Variants in SLC9A9 observed in about 807,000 individuals in gnomAD.
SLC9A9 encodes the protein sodium/hydrogen exchanger 9.
Under a neutral mutation model 77.8 loss-of-function variants are expected in SLC9A9, and 62 were observed. That is an observed-to-expected ratio of 0.80 (90% CI 0.65 to 0.98). SLC9A9 has a LOEUF of 0.98. SLC9A9 is among the 50% of genes least tolerant of loss of function. The pLI is 0.00. For missense variants in SLC9A9, 775 were observed against 774.9 expected, an observed-to-expected ratio of 1.00 and a Z score of 0.00; for synonymous variants, 320 against 283.5, an observed-to-expected ratio of 1.13 and a Z score of -1.29.
chr3:143,823,497 A>G (rs1166217895), intron 2 of SLC9A9, among the ~76,000 whole-genome samples: 1 of 152,176 alleles, frequency 6.6e-6, no homozygotes, highest in Admixed American at 6.5e-5. Context: ...GACTCAGAAT[A>G]CAGAATTTAA....
chr3:143,705,322 G>T (rs1292653530), intron 4 of SLC9A9, among the ~76,000 whole-genome samples: 1 of 152,054 alleles, frequency 6.6e-6, no homozygotes, highest in African/African-American at 2.4e-5. Flanking sequence ...TGGAGGAGGG[G>T]AAGTGTGGAT....
intron 1 of SLC9A9, among the ~76,000 whole-genome samples, chr3:143,838,065 T>C (rs2009613832): frequency 6.6e-6 from 1 of 152,228 alleles, no homozygotes; most frequent in Admixed American, 6.5e-5. Context: ...TATTGCTTAA[T>C]TCTGTTTCTG....
intron 6 of SLC9A9, among the ~76,000 whole-genome samples, chr3:143,638,076 A>G (rs971210087): frequency 1.3e-5 from 2 of 152,246 alleles, no homozygotes; most frequent in Admixed American, 1.3e-4. Flanking sequence ...CAACTGTTAC[A>G]TAAGTAAGAA....
At chr3:143,813,901 T>A (rs900795900) in intron 2 of SLC9A9, among the ~76,000 whole-genome samples, 11 of 152,192 alleles carry the variant, frequency 7.2e-5, no homozygotes, top group African/African-American at 2.7e-4. Flanking sequence ...CTCAAGATTG[T>A]CCTGGATGAA....
chr3:143,268,613 G>A (rs1460378162), intron 15 of SLC9A9, among the ~76,000 whole-genome samples: 2 of 151,372 alleles, frequency 1.3e-5, no homozygotes, highest in African/African-American at 4.9e-5. Context: ...GGCGCCTGTA[G>A]TCCCAGCTAC....
intron 14 of SLC9A9, among the ~76,000 whole-genome samples, chr3:143,315,441 T>A (rs539509503): frequency 3.3e-5 from 5 of 152,324 alleles, no homozygotes; most frequent in East Asian, 3.9e-4. Context: ...CTTCAAGAGT[T>A]GATGTACTAC....
chr3:143,699,529 C>T (rs1023444434), intron 4 of SLC9A9, among the ~76,000 whole-genome samples: 64 of 152,164 alleles, frequency 4.2e-4, no homozygotes, highest in Admixed American at 3.8e-3. Context: ...AGGAAGAGTG[C>T]AGCAATTGTA....
intron 4 of SLC9A9, among the ~76,000 whole-genome samples, chr3:143,767,088 T>C (rs2007342548): frequency 6.6e-6 from 1 of 152,168 alleles, no homozygotes; most frequent in Admixed American, 6.5e-5. Flanking sequence ...AATATTATGG[T>C]TATGGTGTTT....
At chr3:143,565,387 T>C (rs1452737557) in intron 8 of SLC9A9, among the ~76,000 whole-genome samples, 1 of 152,176 alleles carries the variant, frequency 6.6e-6, no homozygotes, top group Non-Finnish European at 1.5e-5. Context: ...TTTTACCTTT[T>C]TCTCTATGAC....
At chr3:143,740,744 G>A (rs1935055693) in intron 4 of SLC9A9, among the ~76,000 whole-genome samples, 1 of 152,156 alleles carries the variant, frequency 6.6e-6, no homozygotes, top group Admixed American at 6.5e-5. Context: ...TAGGAGAAAA[G>A]CTGACCTAAA....
chr3:143,277,358 C>A (rs6801468), intron 14 of SLC9A9, among the ~76,000 whole-genome samples: 1 of 152,146 alleles, frequency 6.6e-6, no homozygotes, highest in Non-Finnish European at 1.5e-5. Flanking sequence ...ATTCCTGGGG[C>A]CTTGAAGCTA....
chr3:143,278,815 T>A (rs1035165564), intron 14 of SLC9A9, among the ~76,000 whole-genome samples: 4 of 152,350 alleles, frequency 2.6e-5, no homozygotes, highest in South Asian at 4.1e-4. Context: ...CAGAACACCT[T>A]GCTACTTCTA....
intron 1 of SLC9A9, among the ~76,000 whole-genome samples, chr3:143,846,755 TTA>T (rs2009839305): frequency 6.7e-6 from 1 of 149,230 alleles, no homozygotes; most frequent in Non-Finnish European, 1.5e-5. Context: ...TGCATTTGGG[TTA>T]TGTTTTTTTT....
At chr3:143,773,729 C>G (rs1464570190) in intron 4 of SLC9A9, among the ~76,000 whole-genome samples, 1 of 152,100 alleles carries the variant, frequency 6.6e-6, no homozygotes, top group African/African-American at 2.4e-5. Context: ...GGTGATCTGC[C>G]CACCTCGGCC....
At chr3:143,652,778 T>TACACAC (rs369670861) in intron 5 of SLC9A9, among the ~76,000 whole-genome samples, 4,918 of 82,370 alleles carry the variant, frequency 0.06, 100 homozygotes, top group East Asian at 0.1. Flanking sequence ...ATTCCTTAAA[T>TACACAC]ACACACACAC....
rs531273308 is a variant in SLC9A9 at position 143,839,460 on chromosome 3, ATGTCCACAAT to A, written c.176-7249_176-7240del. Among the ~76,000 whole-genome samples, 49 of 152,046 alleles carry A rather than the reference ATGTCCACAAT, an allele frequency of 3.2e-4. No homozygotes were observed. The East Asian group carries it at 6.4e-3, about 20-fold the overall frequency. ...ATCCTCCATCAGAGTGGGGTGTCTA[ATGTCCACAAT>A]CCATCCTTGGTTCCCAACAAACAAC... On this transcript the variant is annotated intron_variant, in intron 1 of 15. Transcript: ENST00000316549.
intron 6 of SLC9A9, among the ~76,000 whole-genome samples, chr3:143,619,871 G>A (rs967730445): frequency 4.6e-4 from 70 of 152,304 alleles, no homozygotes; most frequent in African/African-American, 1.6e-3. Flanking sequence ...AGAGCCCATC[G>A]CATTAAGTTT....
At chr3:143,581,736 A>G (rs1417016556) in intron 6 of SLC9A9, among the ~76,000 whole-genome samples, 1 of 152,208 alleles carries the variant, frequency 6.6e-6, no homozygotes, top group East Asian at 1.9e-4. Flanking sequence ...GGACAACAGG[A>G]GTTCAGGTAC....
intron 4 of SLC9A9, among the ~76,000 whole-genome samples, chr3:143,715,894 G>T (rs79309360): frequency 0.034 from 5,236 of 152,264 alleles, 290 homozygotes; most frequent in African/African-American, 0.12. Context: ...GGTATGATTT[G>T]CCAAAGAGAA....
Sources: allele counts gnomAD v4.1 joint callset (sites outside exome capture counted in the v4.1 genomes callset), GRCh38; gene constraint gnomAD v4.1.1; transcripts MANE v1.5; gene names NCBI Gene and HGNC (gene_info 2026-07-23, HGNC 2026-07-21).